PRR15: variants seen among roughly 807,000 people sequenced by gnomAD.
The protein encoded by PRR15 is proline-rich protein 15.
In PRR15, 4 loss-of-function variants were observed where a neutral mutation model predicts 3.0. That is an observed-to-expected ratio of 1.34 (90% CI 0.66 to 3.08). The LOEUF (loss-of-function observed/expected upper bound fraction) is 3.08. Among genes scored for constraint, PRR15 ranks in the 30% most tolerant of loss-of-function variants. The pLI is 0.01. For synonymous variants in PRR15, 82 were observed against 79.8 expected, an observed-to-expected ratio of 1.03 and a Z score of -0.14; for missense variants, 200 against 179.5, an observed-to-expected ratio of 1.11 and a Z score of -0.65.
At chr7:29,565,085 G>C (rs1422693987) in intron 1 of PRR15, among the ~76,000 whole-genome samples, 1 of 152,122 alleles carries the variant, frequency 6.6e-6, no homozygotes, top group Non-Finnish European at 1.5e-5. Flanking sequence ...TCCTGCCGTT[G>C]CTGGTGGCAG....
chr7:29,565,063 G>C (rs186852140), intron 1 of PRR15, among the ~76,000 whole-genome samples: 1 of 69,472 alleles, frequency 1.4e-5, no homozygotes, highest in African/African-American at 6.1e-5. Flanking sequence ...AGTGAGCCGC[G>C]GCGCAGGCGA....
rs967212591 is a variant in PRR15, at chr7:29,566,484, G to C, written c.155G>C (p.Trp52Ser). ...PTPPAPPSPD[W>S]TSSSRENQHP... ...CCACCTGCGCCGCCCAGCCCGGACT[G>C]GACCAGCAGCTCCCGGGAGAACCAG... The change falls in exon 2 of 2, where the codon TGG becomes TCG. Residue 52 changes from tryptophan to serine, a missense_variant. Transcript: ENST00000319694. 6.3e-6 allele frequency: 10 copies of C among 1,599,594 alleles called. No individual in the cohort carries two copies. The highest frequency in any genetic ancestry group is 8.5e-6 in the Non-Finnish European group (10 of 1,173,322).
chr7:29,565,358 C>T (rs1319298709), intron 1 of PRR15: 2 of 152,108 alleles, frequency 1.3e-5, no homozygotes, highest in Non-Finnish European at 2.9e-5. Context: ...TATTTTAATA[C>T]AAAACTAAGG....
chr7:29,564,466 C>G (rs1792838951), intron 1 of PRR15, 89 bp downstream of exon 1: 2 of 152,054 alleles, frequency 1.3e-5, no homozygotes, highest in African/African-American at 4.8e-5. Context: ...CTCCCAGGTA[C>G]CCGCCTCCCG....
Position 29,567,009 on chromosome 7 carries a change from C to T in PRR15, c.*290C>T, listed in dbSNP as rs771545366. Reference sequence around the variant, plus strand: ...TTTTTTTCAAAAAGCTATTCTGGGGCCCTGGCCCCCTGGCTCCTGTCACAG... The same window carrying T: ...TTTTTTTCAAAAAGCTATTCTGGGGTCCTGGCCCCCTGGCTCCTGTCACAG... On this transcript the variant is annotated 3_prime_UTR_variant, in exon 2 of 2. Transcript: ENST00000319694. 10 of 327,492 alleles carry T rather than the reference C, an allele frequency of 3.1e-5. No individual in the cohort carries two copies. Among genetic ancestry groups the T allele is most frequent in the Non-Finnish European group, 5.8e-5 (10 of 173,088 alleles). The allele number at this position is 327,492 out of a possible 1,614,324, so 20.3% of individuals were successfully genotyped here.
rs3214365 is a variant in PRR15 at position 29,566,981 on chromosome 7, A to AT, written c.*271dup. 13 of 356,382 alleles carry AT rather than the reference A, an allele frequency of 3.6e-5. No individual in the cohort carries two copies. The highest frequency in any genetic ancestry group is 3.3e-4 in the East Asian group (7 of 21,038). 22.1% of individuals were successfully genotyped at this position (356,382 alleles called of 1,614,324 possible). On this transcript the variant is annotated 3_prime_UTR_variant, in exon 2 of 2. Transcript: ENST00000319694. ...TGCCGCGGAGGAGGGTGGCATAATTATTTTTTTTTCAAAAAGCTATTCTGG... is the reference window on the plus strand; with the variant it reads ...TGCCGCGGAGGAGGGTGGCATAATTATTTTTTTTTTCAAAAAGCTATTCTGG...
chr7:29,565,571 A>G (rs1000797424), intron 1 of PRR15: 2 of 152,234 alleles, frequency 1.3e-5, no homozygotes, highest in African/African-American at 4.8e-5. Flanking sequence ...CAAATATCAT[A>G]AGCTTGTCCT....
At position 29,567,048 on chromosome 7, in the gene PRR15, CTG is replaced by C; in HGVS notation, c.*331_*332del. The C allele has an allele frequency of 3.7e-6, 1 of 268,444 alleles. No homozygotes were observed. The highest frequency in any genetic ancestry group is 7.4e-6 in the Non-Finnish European group (1 of 135,444). 16.6% of individuals were successfully genotyped at this position (268,444 alleles called of 1,614,324 possible). On this transcript the variant is annotated 3_prime_UTR_variant, in exon 2 of 2. Transcript: ENST00000319694. ...CTCCTGTCACAGCTCAGCTTGAACT[CTG>C]TAGCCTCTCAAATGAAGAAGGTGGC...
rs2302619 is a variant in PRR15 at position 29,566,809 on chromosome 7, C to A, written c.*90C>A. ...CCGAGACTTCAGGCCCGCCCCCTTA[C>A]GCGTTGTCTCATTCCACCAAATTCA... On this transcript the variant is annotated 3_prime_UTR_variant, in exon 2 of 2. Transcript: ENST00000319694. The A allele has an allele frequency of 1.6e-6, 2 of 1,271,850 alleles. No homozygotes were observed. Among genetic ancestry groups the A allele is most frequent in the Non-Finnish European group, 2.1e-6 (2 of 940,156 alleles). The allele number at this position is 1,271,850 out of a possible 1,614,324, so 78.8% of individuals were successfully genotyped here.
chr7:29,565,019 C>T (rs954856660), intron 1 of PRR15, among the ~76,000 whole-genome samples: 17 of 152,324 alleles, frequency 1.1e-4, no homozygotes, highest in Admixed American at 5.2e-4. Context: ...GCGCCCGGCG[C>T]GTGGGCTGGG....
Position 29,566,799 on chromosome 7 carries a change from C to A in PRR15, c.*80C>A. On this transcript the variant is annotated 3_prime_UTR_variant, in exon 2 of 2. Coordinates refer to ENST00000319694, the MANE Select transcript of PRR15 (RefSeq NM_175887.3). ...AGTTCCAAACCCGAGACTTCAGGCC[C>A]GCCCCCTTACGCGTTGTCTCATTCC... is the stretch of plus-strand genomic sequence containing the variant. 1 of 1,320,482 alleles carries A rather than the reference C, an allele frequency of 7.6e-7. No individual in the cohort carries two copies. The highest frequency in any genetic ancestry group is 1.0e-6 in the Non-Finnish European group (1 of 981,464). 81.8% of individuals were successfully genotyped at this position (1,320,482 alleles called of 1,614,324 possible).
rs1028943667 is a variant in PRR15 at position 29,566,136 on chromosome 7, G to C, written c.-145-49G>C. 3 of 651,430 alleles carry C rather than the reference G, an allele frequency of 4.6e-6. No individual in the cohort carries two copies. The East Asian group carries it at 8.4e-5, about 18-fold the overall frequency. 40.4% of individuals were successfully genotyped at this position (651,430 alleles called of 1,614,324 possible). A position where few individuals can be genotyped will look rare whatever the true frequency, so the allele number is the denominator to read the frequency against. On this transcript the variant is annotated intron_variant, in intron 1 of 1. Transcript: ENST00000319694. ...AAGGGAGGAAAGGGGACTGGGGGGGGCACGTGACTTCAACCAACCCAGTAA... is the reference window on the plus strand; with the variant it reads ...AAGGGAGGAAAGGGGACTGGGGGGGCCACGTGACTTCAACCAACCCAGTAA...
In PRR15 at chr7:29,566,910, A is replaced by G; in HGVS notation, c.*191A>G. ...TCAATTGGGTTCTCAATATTTCATG[A>G]CTCCAAGGATGCATTAAATATTTAT... is the stretch of plus-strand genomic sequence containing the variant. On this transcript the variant is annotated 3_prime_UTR_variant, in exon 2 of 2. Transcript: ENST00000319694. The G allele has an allele frequency of 1.9e-6, 1 of 535,922 alleles. No homozygotes were observed. The allele number at this position is 535,922 out of a possible 1,614,324, so 33.2% of individuals were successfully genotyped here. A position where few individuals can be genotyped will look rare whatever the true frequency, so the allele number is the denominator to read the frequency against.
chr7:29,564,596 G>A (rs1792843550), intron 1 of PRR15, among the ~76,000 whole-genome samples: 1 of 152,196 alleles, frequency 6.6e-6, no homozygotes, highest in Non-Finnish European at 1.5e-5. Context: ...TCACAAAGTT[G>A]ATGATTGTGA....
chr7:29,566,952 T>A lies in PRR15; in HGVS notation c.*233T>A, dbSNP rs1460730790. 1 of 457,052 alleles carries A rather than the reference T, an allele frequency of 2.2e-6. No homozygotes were observed. Among genetic ancestry groups the A allele is most frequent in the East Asian group, 3.6e-5 (1 of 28,016 alleles). The allele number at this position is 457,052 out of a possible 1,614,324, so 28.3% of individuals were successfully genotyped here. Reference sequence around the variant, plus strand: ...AATATTTATTTGTGGTAAGAGAAGATACCTGCCGCGGAGGAGGGTGGCATA... The same window carrying A: ...AATATTTATTTGTGGTAAGAGAAGAAACCTGCCGCGGAGGAGGGTGGCATA... On this transcript the variant is annotated 3_prime_UTR_variant, in exon 2 of 2. Transcript: ENST00000319694.
At chr7:29,564,734 A>G (rs1408913201) in intron 1 of PRR15, among the ~76,000 whole-genome samples, 2 of 152,206 alleles carry the variant, frequency 1.3e-5, no homozygotes, top group East Asian at 3.9e-4. Flanking sequence ...ATGTTTGCAG[A>G]CGCAGTTGCT....
Position 29,566,540 on chromosome 7 carries a change from C to A in PRR15, c.211C>A (p.Pro71Thr), listed in dbSNP as rs1264173759. ...CAATCTCCTCGGGGGCGCCGGCGAG[C>A]CCCCCAAACCAGACAAGTTATACGG... ...HPNLLGGAGE[P>T]PKPDKLYGDK... is the part of the protein sequence containing the mutation. The change falls in exon 2 of 2, where the codon CCC becomes ACC. Residue 71 changes from proline (P) to threonine (T), a missense_variant. Transcript: ENST00000319694. 6.2e-7 allele frequency: 1 copy of A among 1,607,316 alleles called. No homozygotes were observed. Among genetic ancestry groups the A allele is most frequent in the African/African-American group, 1.3e-5 (1 of 74,838 alleles).
At chr7:29,565,663 G>A (rs554134776) in intron 1 of PRR15, 1 of 152,358 alleles carries the variant, frequency 6.6e-6, no homozygotes, top group African/African-American at 2.4e-5. Flanking sequence ...GCAAATCTTG[G>A]AGGGAAATTT....
At position 29,566,453 on chromosome 7, in the gene PRR15, C is replaced by T; in HGVS notation, c.124C>T (p.Pro42Ser). 1.2e-6 allele frequency: 2 copies of T among 1,602,076 alleles called. No homozygotes were observed. The highest frequency in any genetic ancestry group is 1.7e-6 in the Non-Finnish European group (2 of 1,174,478). ...TCCCGCCCAGCCCGCTCCCGGGGAG[C>T]CCACGCCACCTGCGCCGCCCAGCCC... is the stretch of plus-strand genomic sequence containing the variant. ...PPPAQPAPGE[P>S]TPPAPPSPDW... Residue 42 changes from proline to serine, a missense_variant, in exon 2 of 2, where the codon CCC (proline) becomes TCC (serine). Coordinates refer to ENST00000319694, the MANE Select transcript of PRR15 (RefSeq NM_175887.3).
Sources: allele counts gnomAD v4.1 joint callset (sites outside exome capture counted in the v4.1 genomes callset), GRCh38; gene constraint gnomAD v4.1.1; transcripts MANE v1.5; gene names NCBI Gene and HGNC (gene_info 2026-07-23, HGNC 2026-07-21).